SAFB: variants seen among roughly 807,000 people sequenced by gnomAD.
The protein encoded by SAFB is scaffold attachment factor B1.
In SAFB, 15 loss-of-function variants were observed where a neutral mutation model predicts 101.6. The observed-to-expected ratio is 0.15, with a 90% confidence interval of 0.10 to 0.23. The LOEUF (loss-of-function observed/expected upper bound fraction) is 0.23, where lower values mean the gene tolerates loss of function less well. Among genes scored for constraint, SAFB ranks in the 10% least tolerant of loss-of-function variants. The pLI, the probability that SAFB is intolerant of heterozygous loss-of-function variation, is 1.00. For missense variants in SAFB, 930 were observed against 1,104.1 expected, an observed-to-expected ratio of 0.84 and a Z score of 2.23; for synonymous variants, 449 against 407.5, an observed-to-expected ratio of 1.10 and a Z score of -1.23.
At chr19:5,650,751 A>G (rs753473271) in intron 8 of SAFB, among the ~76,000 whole-genome samples, 11 of 152,108 alleles carry the variant, frequency 7.2e-5, no homozygotes, top group Admixed American at 1.3e-4. Context: ...CATTGTCCCA[A>G]TAGCCCCACT....
intron 14 of SAFB, among the ~76,000 whole-genome samples, chr19:5,660,217 A>G (rs1167859881): frequency 6.6e-6 from 1 of 151,834 alleles, no homozygotes; most frequent in African/African-American, 2.4e-5. Flanking sequence ...CATATAACCC[A>G]TGTACATCCT....
Position 5,646,745 on chromosome 19 carries a change from A to T in SAFB, c.610-1271A>T, listed in dbSNP as rs79214497. ...ATTCAGTCACACCTACTTATTGGGT[A>T]TATGTGAATCCCCTGTGATGTGTCA... On this transcript the variant is annotated intron_variant, in intron 5 of 20. Transcript: ENST00000588852. Among the ~76,000 whole-genome samples, 369 of 152,336 alleles carry T rather than the reference A, an allele frequency of 2.4e-3. 2 individuals are homozygous for T. Among genetic ancestry groups the T allele is most frequent in the African/African-American group, 8.6e-3 (357 of 41,580 alleles).
chr19:5,667,736 A>ACC lies in SAFB; in HGVS notation c.2558-84_2558-83insCC. 7.1e-7 allele frequency: 1 copy of ACC among 1,406,992 alleles called. No individual in the cohort carries two copies. The highest frequency in any genetic ancestry group is 1.0e-6 in the Non-Finnish European group (1 of 1,000,754). 87.2% of individuals were successfully genotyped at this position (1,406,992 alleles called of 1,614,324 possible). ...GTTGTGGGTACCTGGGGGCCTCACC[A>ACC]AAGGGAGTGGAGTGGGCTAAATGTG... On this transcript the variant is annotated intron_variant, in intron 19 of 20. Transcript: ENST00000588852. The surrounding 1 kb of genome is among the most constrained non-coding windows in gnomAD (Gnocchi z 4.0).
At position 5,666,969 on chromosome 19, in the gene SAFB, C is replaced by T. The variant is rs2054340053; in HGVS notation, c.2335-77C>T. The T allele has an allele frequency of 3.4e-6, 3 of 874,162 alleles. No homozygotes were observed. In the Admixed American group the frequency reaches 5.1e-5, roughly 15 times the overall value. The allele number at this position is 874,162 out of a possible 1,614,324, so 54.2% of individuals were successfully genotyped here. The stretch of plus-strand genomic sequence containing the variant: ...GAGTGACTGTCGTTGTCATCGTTAG[C>T]ATGTTGCCTGAAAAGCCTTGGGGTC... On this transcript the variant is annotated intron_variant, in intron 17 of 20. Transcript: ENST00000588852.
At chr19:5,665,152 G>A (rs1452522120) in intron 17 of SAFB, 1 of 152,188 alleles carries the variant, frequency 6.6e-6, no homozygotes, top group Non-Finnish European at 1.5e-5. Flanking sequence ...GTCCCCCTTG[G>A]TTCCTTAATG....
chr19:5,662,555 A>C (rs1235063037), intron 15 of SAFB, among the ~76,000 whole-genome samples: 1 of 151,960 alleles, frequency 6.6e-6, no homozygotes, highest in East Asian at 1.9e-4. Flanking sequence ...AACCAGGTTC[A>C]AGGGTGGCAC....
At chr19:5,631,036 A>T (rs1384499449) in intron 2 of SAFB, among the ~76,000 whole-genome samples, 1 of 152,116 alleles carries the variant, frequency 6.6e-6, no homozygotes, top group Non-Finnish European at 1.5e-5. Context: ...CTAAAAATAC[A>T]AAAATTAGCT....
intron 6 of SAFB, 115 bp downstream of exon 6, chr19:5,648,158 C>T (rs952818567): frequency 3.4e-6 from 3 of 894,288 alleles, no homozygotes; most frequent in African/African-American, 1.7e-5. Flanking sequence ...ATACATTGTT[C>T]TAAAGGTTTA....
rs374883881 is a variant in SAFB at position 5,623,332 on chromosome 19, C to T, written c.127C>T (p.Leu43=). 2 of 1,614,030 alleles carry T rather than the reference C, an allele frequency of 1.2e-6. No individual in the cohort carries two copies. Among genetic ancestry groups the T allele is most frequent in the Non-Finnish European group, 1.7e-6 (2 of 1,179,910 alleles). The change falls in exon 1 of 21, where the codon CTG becomes TTG. Residue 43 remains leucine, a synonymous_variant. Coordinates refer to ENST00000588852, the MANE Select transcript of SAFB (RefSeq NM_001201338.2). ...GCGAGTGATCGATCTGCGGGCGGAGCTGAGGAAACGGAATGTGGACTCGAG... is the reference window on the plus strand; with the variant it reads ...GCGAGTGATCGATCTGCGGGCGGAGTTGAGGAAACGGAATGTGGACTCGAG... ...DLRVIDLRAE[L]RKRNVDSSGN... is the part of the protein sequence containing the mutation.
chr19:5,631,279 G>C (rs1408217095), intron 2 of SAFB, among the ~76,000 whole-genome samples: 1 of 152,156 alleles, frequency 6.6e-6, no homozygotes, highest in Admixed American at 6.5e-5. Flanking sequence ...AAAAATAAAA[G>C]TCGCTGTTGT....
chr19:5,641,844 C>G lies in SAFB; in HGVS notation c.444C>G (p.Val148=), dbSNP rs745473423. 2.5e-6 allele frequency: 4 copies of G among 1,613,882 alleles called. No homozygotes were observed. Among genetic ancestry groups the G allele is most frequent in the Non-Finnish European group, 3.4e-6 (4 of 1,179,964 alleles). Residue 148 remains valine (V), a synonymous_variant, in exon 4 of 21, where the codon GTC becomes GTG. Transcript: ENST00000588852. ...EIDNGSVADC[V]EDDDADNLQE... ...ATAATGGAAGCGTTGCAGATTGTGT[C>G]GAAGACGATGATGCTGATAACCTCC...
chr19:5,646,298 C>T (rs982811027), intron 5 of SAFB, among the ~76,000 whole-genome samples: 1 of 152,164 alleles, frequency 6.6e-6, no homozygotes, highest in East Asian at 1.9e-4. Flanking sequence ...ACTGGAAAGC[C>T]AGAGCTCCAA....
intron 14 of SAFB, among the ~76,000 whole-genome samples, chr19:5,660,602 G>A (rs1157351695): frequency 6.6e-6 from 1 of 150,994 alleles, no homozygotes; most frequent in East Asian, 1.9e-4. Flanking sequence ...CTGAGCCTGG[G>A]CACAGTGGTT....
chr19:5,636,188 A>T (rs1361488364), intron 2 of SAFB, among the ~76,000 whole-genome samples: 2 of 152,044 alleles, frequency 1.3e-5, no homozygotes, highest in African/African-American at 2.4e-5. Flanking sequence ...ATTCTGTTTG[A>T]TGAAAATCTA....
intron 2 of SAFB, among the ~76,000 whole-genome samples, chr19:5,627,200 C>T (rs1034877792): frequency 6.9e-6 from 1 of 144,280 alleles, no homozygotes; most frequent in African/African-American, 2.6e-5. Context: ...GGGGTGGGGG[C>T]GGGGCACAGT....
At chr19:5,631,223 A>G (rs1188310663) in intron 2 of SAFB, among the ~76,000 whole-genome samples, 1 of 152,198 alleles carries the variant, frequency 6.6e-6, no homozygotes, top group Non-Finnish European at 1.5e-5. Flanking sequence ...GTCATCAGAA[A>G]GATCACTTCT....
chr19:5,664,475 C>T (rs1599388856), intron 17 of SAFB, 36 bp downstream of exon 17: 1 of 1,550,910 alleles, frequency 6.4e-7, no homozygotes, highest in Non-Finnish European at 8.9e-7. Flanking sequence ...CACAGAATTT[C>T]CCATAGAATG....
At chr19:5,631,211 T>A (rs1023911679) in intron 2 of SAFB, among the ~76,000 whole-genome samples, 9 of 152,024 alleles carry the variant, frequency 5.9e-5, no homozygotes, top group African/African-American at 2.2e-4. Flanking sequence ...AAAGAAACAT[T>A]TGTCATCAGA....
intron 14 of SAFB, 129 bp downstream of exon 14, chr19:5,657,476 A>G: frequency 1.6e-6 from 1 of 618,190 alleles, no homozygotes; most frequent in Non-Finnish European, 2.9e-6. Flanking sequence ...TTCAGCTTTC[A>G]GTTCATAGAC....
Sources: gnomAD v4.1 joint callset for allele counts (sites outside exome capture counted in the v4.1 genomes callset) on GRCh38, gnomAD v4.1.1 for gene constraint, Gnocchi (gnomAD v3.1) non-coding constraint, MANE v1.5 for transcripts, NCBI Gene and HGNC (gene_info 2026-07-23, HGNC 2026-07-21) for gene names.